ZFHX3: variants seen among roughly 807,000 people sequenced by gnomAD.
ZFHX3 encodes the protein zinc finger homeobox 3, also known as zinc finger homeobox protein 3.
A neutral mutation model predicts 279.1 loss-of-function variants in ZFHX3; 42 were observed. That is an observed-to-expected ratio of 0.15 (90% CI 0.12 to 0.19). The LOEUF is 0.19. ZFHX3 is among the 10% of genes least tolerant of loss of function. The probability of loss-of-function intolerance (pLI) is 1.00; values close to 1 mark genes in which losing one functional copy is unlikely to be tolerated. For synonymous variants in ZFHX3, 2,293 were observed against 1,957.8 expected (o/e 1.17, Z -4.52); for missense variants, 4,981 against 4,754.0 (o/e 1.05, Z -1.40).
intron 1 of ZFHX3, among the ~76,000 whole-genome samples, chr16:73,859,921 T>C (rs1961836493): frequency 6.6e-6 from 1 of 152,214 alleles, no homozygotes; most frequent in South Asian, 2.1e-4. Context: ...GTCTTTTTCA[T>C]GCAGCAGGGG....
intron 4 of ZFHX3, among the ~76,000 whole-genome samples, chr16:72,831,340 T>C (rs904088145): frequency 1.3e-4 from 20 of 152,154 alleles, no homozygotes; most frequent in African/African-American, 4.8e-4. Flanking sequence ...AGGGAGTTTA[T>C]GAGGCAGTCA....
intron 2 of ZFHX3, among the ~76,000 whole-genome samples, chr16:73,468,874 G>A (rs1017057826): frequency 1.3e-5 from 2 of 152,190 alleles, no homozygotes; most frequent in African/African-American, 4.8e-5. Context: ...GGTCAGCTCT[G>A]ACTTTATCAA....
chr16:73,651,004 G>A (rs1386683219), intron 2 of ZFHX3, among the ~76,000 whole-genome samples: 1 of 151,860 alleles, frequency 6.6e-6, no homozygotes, highest in Non-Finnish European at 1.5e-5. Flanking sequence ...CGATTATCAA[G>A]GTGTAATAAA....
chr16:72,947,840 T>C (rs1016087116), intron 3 of ZFHX3, among the ~76,000 whole-genome samples: 1 of 152,170 alleles, frequency 6.6e-6, no homozygotes, highest in Non-Finnish European at 1.5e-5. Flanking sequence ...AACTGTGCTC[T>C]AAACTGATTA....
chr16:72,938,405 G>A (rs1171935082), intron 3 of ZFHX3, among the ~76,000 whole-genome samples: 1 of 152,238 alleles, frequency 6.6e-6, no homozygotes, highest in African/African-American at 2.4e-5. Flanking sequence ...CTTTGTGGCT[G>A]TTGTCTGAAA....
Position 72,957,455 on chromosome 16 carries a change from C to A in ZFHX3, c.2691G>T (p.Gly897=). 6.2e-7 allele frequency: 1 copy of A among 1,612,578 alleles called. No homozygotes were observed. Among genetic ancestry groups the A allele is most frequent in the Non-Finnish European group, 8.5e-7 (1 of 1,179,110 alleles). Residue 897 remains glycine (G), a synonymous_variant, in exon 2 of 10, where the codon GGG becomes GGT. Coordinates refer to ENST00000268489, the MANE Select transcript of ZFHX3 (RefSeq NM_006885.4). ...GAGCAGGCGTCATGGCGGCCATGGGCCCGGCGGGATCCAGCTGGAATCCGC... is the reference window on the plus strand; with the variant it reads ...GAGCAGGCGTCATGGCGGCCATGGGACCGGCGGGATCCAGCTGGAATCCGC... ...MMSGFQLDPA[G]PMAAMTPALV...
rs377137869 is a variant in ZFHX3, at chr16:73,188,075, A to G, written c.-1103-44244T>C. Among the ~76,000 whole-genome samples, 67 of 152,224 alleles carry G rather than the reference A, an allele frequency of 4.4e-4. No homozygotes were observed. The South Asian group carries it at 0.013, about 30-fold the overall frequency. ...ACGGGGTTTCACTCTGTTAGCCAGG[A>G]TGGTCTTGATCTCCTGACCTTGTGA... On this transcript the variant is annotated intron_variant, in intron 5 of 17. Transcript: ENST00000641206.
intron 5 of ZFHX3, among the ~76,000 whole-genome samples, chr16:73,147,863 T>G: frequency 6.6e-6 from 1 of 151,934 alleles, no homozygotes; most frequent in South Asian, 2.1e-4. Context: ...CAGAGCGAGA[T>G]CCTCTCCCAA....
chr16:73,116,083 G>A (rs1384929243), intron 7 of ZFHX3, among the ~76,000 whole-genome samples: 1 of 150,206 alleles, frequency 6.7e-6, no homozygotes, highest in Non-Finnish European at 1.5e-5. Flanking sequence ...TCATGCCAGT[G>A]TACTCCAGCC....
At chr16:73,349,332 A>G (rs549435210) in intron 3 of ZFHX3, among the ~76,000 whole-genome samples, 29 of 152,310 alleles carry the variant, frequency 1.9e-4, no homozygotes, top group African/African-American at 7.0e-4. Flanking sequence ...TTGGAGATTG[A>G]TCACCTGATC....
chr16:73,002,627 C>T (rs1963540981), intron 1 of ZFHX3, among the ~76,000 whole-genome samples: 1 of 152,158 alleles, frequency 6.6e-6, no homozygotes, highest in Non-Finnish European at 1.5e-5. Context: ...ATCACTAAGA[C>T]TTCCACTATT....
chr16:72,814,609 C>T (rs949664782), intron 5 of ZFHX3, among the ~76,000 whole-genome samples: 1 of 142,626 alleles, frequency 7.0e-6, no homozygotes, highest in Non-Finnish European at 1.5e-5. Flanking sequence ...AGGGGAACTT[C>T]TTTTTTTTTT....
At chr16:73,029,543 A>AT (rs1964621948) in intron 1 of ZFHX3, among the ~76,000 whole-genome samples, 1 of 152,216 alleles carries the variant, frequency 6.6e-6, no homozygotes, top group African/African-American at 2.4e-5. Context: ...GACGGAAGGA[A>AT]TTATCCCTCC....
At chr16:73,215,236 C>T (rs62052450) in intron 5 of ZFHX3, among the ~76,000 whole-genome samples, 3 of 152,174 alleles carry the variant, frequency 2.0e-5, no homozygotes, top group Non-Finnish European at 2.9e-5. Flanking sequence ...ATCTGTCCTC[C>T]AGCCCAGAAC....
intron 5 of ZFHX3, among the ~76,000 whole-genome samples, chr16:73,252,926 G>C (rs1310208883): frequency 6.6e-6 from 1 of 152,214 alleles, no homozygotes; most frequent in Non-Finnish European, 1.5e-5. Flanking sequence ...GGGGAGCTTA[G>C]AGAGAATGAC....
chr16:73,722,607 A>T (rs2053483994), intron 1 of ZFHX3, among the ~76,000 whole-genome samples: 1 of 152,188 alleles, frequency 6.6e-6, no homozygotes. Context: ...AGAAAAGTGT[A>T]CTTTTTTTTT....
intron 5 of ZFHX3, among the ~76,000 whole-genome samples, chr16:72,824,651 C>G (rs182188519): frequency 1.3e-5 from 2 of 152,122 alleles, no homozygotes; most frequent in African/African-American, 2.4e-5. Flanking sequence ...GAAACCATGA[C>G]GACTACAGGA....
At chr16:73,637,224 T>G (rs973619024) in intron 2 of ZFHX3, among the ~76,000 whole-genome samples, 7 of 150,790 alleles carry the variant, frequency 4.6e-5, no homozygotes, top group Non-Finnish European at 7.4e-5. Flanking sequence ...ATATTTTTTT[T>G]TTGTTCTTTT....
At chr16:72,976,543 C>T (rs777985005) in intron 1 of ZFHX3, among the ~76,000 whole-genome samples, 7 of 152,222 alleles carry the variant, frequency 4.6e-5, no homozygotes, top group South Asian at 2.1e-4. Context: ...CAGACTCCTA[C>T]GAGCTTGCTC....
Sources: gnomAD v4.1 joint callset for allele counts (sites outside exome capture counted in the v4.1 genomes callset) on GRCh38, gnomAD v4.1.1 for gene constraint, MANE v1.5 for transcripts, NCBI Gene and HGNC (gene_info 2026-07-23, HGNC 2026-07-21) for gene names.